Variants in DOCK4 observed in about 807,000 individuals in gnomAD.
The protein encoded by DOCK4 is dedicator of cytokinesis protein 4.
A neutral mutation model predicts 268.1 loss-of-function variants in DOCK4; 97 were observed. That is an observed-to-expected ratio of 0.36 (90% CI 0.31 to 0.43). The LOEUF is 0.43. Ranked by LOEUF, DOCK4 falls within the 20% of genes least tolerant of loss-of-function variation. The pLI is 1.00. For synonymous variants in DOCK4, 954 were observed against 887.2 expected (o/e 1.08, Z -1.34); for missense variants, 2,145 against 2,455.7 (o/e 0.87, Z 2.67).
intron 1 of DOCK4, among the ~76,000 whole-genome samples, chr7:112,128,060 C>A (rs1023875445): frequency 6.6e-6 from 1 of 152,132 alleles, no homozygotes; most frequent in Non-Finnish European, 1.5e-5. Context: ...TAAGCTTATG[C>A]CTCATTTACT....
intron 1 of DOCK4, among the ~76,000 whole-genome samples, chr7:112,112,353 G>A (rs1266355496): frequency 2.0e-5 from 3 of 152,116 alleles, no homozygotes; most frequent in East Asian, 3.9e-4. Context: ...AGAAGAAGAC[G>A]CTGGAGCTGG....
intron 1 of DOCK4, among the ~76,000 whole-genome samples, chr7:112,106,048 C>G (rs910824734): frequency 5.9e-5 from 9 of 152,226 alleles, no homozygotes; most frequent in African/African-American, 2.2e-4. Flanking sequence ...CGGACCACAA[C>G]AGATTCTGTT....
At chr7:111,842,004 A>G (rs1220823646) in intron 25 of DOCK4, among the ~76,000 whole-genome samples, 4 of 152,224 alleles carry the variant, frequency 2.6e-5, no homozygotes, top group African/African-American at 7.2e-5. Flanking sequence ...GCTTGCCATT[A>G]TAACTTTCAA....
intron 1 of DOCK4, among the ~76,000 whole-genome samples, chr7:112,174,402 A>G (rs1006425465): frequency 1.3e-5 from 2 of 152,038 alleles, no homozygotes; most frequent in Non-Finnish European, 2.9e-5. Flanking sequence ...ACATTCTATC[A>G]CGAAAAGGTA....
At chr7:111,779,523 G>A (rs1798663422) in intron 35 of DOCK4, among the ~76,000 whole-genome samples, 1 of 152,146 alleles carries the variant, frequency 6.6e-6, no homozygotes, top group South Asian at 2.1e-4. Flanking sequence ...TCAGCCTCCT[G>A]AGTAGCTGGG....
At chr7:111,903,993 G>A (rs575266340) in intron 13 of DOCK4, among the ~76,000 whole-genome samples, 2 of 152,306 alleles carry the variant, frequency 1.3e-5, no homozygotes, top group South Asian at 2.1e-4. Context: ...ACCACACAGG[G>A]ATTAACTGTC....
At position 111,758,747 on chromosome 7, in the gene DOCK4, C is replaced by T; in HGVS notation, c.4206G>A (p.Glu1402=). Reference sequence around the variant, plus strand: ...CCGGAACACCCTCTCTCTGCAGGACCTCCTGGCTCTCTGGAATGGGAGTCA... The same window carrying T: ...CCGGAACACCCTCTCTCTGCAGGACTTCCTGGCTCTCTGGAATGGGAGTCA... ...YAVTPIPESQ[E]VLQREGVPDN... The change falls in exon 41 of 53, where the codon GAG becomes GAA. Residue 1402 remains glutamate, a synonymous_variant. Transcript: ENST00000428084. The T allele has an allele frequency of 1.9e-6, 3 of 1,613,944 alleles. No homozygotes were observed. The highest frequency in any genetic ancestry group is 1.7e-6 in the Non-Finnish European group (2 of 1,179,868).
chr7:112,100,043 T>A (rs971878106), intron 1 of DOCK4, among the ~76,000 whole-genome samples: 3 of 152,190 alleles, frequency 2.0e-5, no homozygotes, highest in Non-Finnish European at 2.9e-5. Context: ...TTAGACCCCA[T>A]GAAATATTTT....
chr7:112,073,573 A>G (rs2135681063), intron 1 of DOCK4, among the ~76,000 whole-genome samples: 1 of 152,248 alleles, frequency 6.6e-6, no homozygotes, highest in African/African-American at 2.4e-5. Context: ...TTATTCAGCC[A>G]TAAAAAAGTA....
intron 1 of DOCK4, among the ~76,000 whole-genome samples, chr7:112,162,149 G>A (rs1480386747): frequency 6.6e-6 from 1 of 152,074 alleles, no homozygotes; most frequent in East Asian, 1.9e-4. Flanking sequence ...TCCAAATAGC[G>A]TGAAGCCTCA....
intron 26 of DOCK4, among the ~76,000 whole-genome samples, chr7:111,832,001 A>G (rs1443415562): frequency 1.3e-5 from 2 of 152,212 alleles, no homozygotes; most frequent in Non-Finnish European, 2.9e-5. Context: ...ATCTAAGGAT[A>G]CAGCAGTGAG....
At chr7:111,773,248 A>G (rs574613511) in intron 36 of DOCK4, among the ~76,000 whole-genome samples, 2 of 152,338 alleles carry the variant, frequency 1.3e-5, no homozygotes, top group African/African-American at 4.8e-5. Flanking sequence ...CTTAAACAGA[A>G]TCCTAGAAAG....
At chr7:111,764,980 T>A in intron 39 of DOCK4, 138 bp downstream of exon 39, 1 of 456,786 alleles carries the variant, frequency 2.2e-6, no homozygotes, top group Non-Finnish European at 3.9e-6. Context: ...ATTAATATAG[T>A]GTCTGCAAAG....
chr7:111,854,262 C>G (rs1804823591), intron 23 of DOCK4, among the ~76,000 whole-genome samples: 1 of 152,220 alleles, frequency 6.6e-6, no homozygotes, highest in Non-Finnish European at 1.5e-5. Flanking sequence ...CAACCCCTGA[C>G]CTAATCGGTT....
At chr7:111,942,750 C>T (rs527914175) in intron 10 of DOCK4, among the ~76,000 whole-genome samples, 24 of 152,178 alleles carry the variant, frequency 1.6e-4, no homozygotes, top group Non-Finnish European at 3.4e-4. Flanking sequence ...CATAGTCAAT[C>T]AGAATTAGCT....
chr7:111,788,951 C>A, intron 31 of DOCK4: 1 of 591,924 alleles, frequency 1.7e-6, no homozygotes, highest in Non-Finnish European at 3.0e-6. Context: ...ACACTCCTGG[C>A]TGGGTAGCGT....
intron 1 of DOCK4, among the ~76,000 whole-genome samples, chr7:112,158,772 T>C (rs369524026): frequency 1.3e-5 from 2 of 152,220 alleles, no homozygotes; most frequent in East Asian, 3.8e-4. Flanking sequence ...CTAAAAACTA[T>C]TTTTAATGAG....
chr7:111,746,092 T>C (rs1230672530), intron 44 of DOCK4, among the ~76,000 whole-genome samples: 1 of 152,218 alleles, frequency 6.6e-6, no homozygotes, highest in Admixed American at 6.5e-5. Flanking sequence ...CCAAGTATTT[T>C]GGATAAAGGA....
chr7:111,748,923 T>C (rs1231373399), intron 42 of DOCK4, among the ~76,000 whole-genome samples: 3 of 152,090 alleles, frequency 2.0e-5, no homozygotes, highest in African/African-American at 4.8e-5. Flanking sequence ...TGCAATAACA[T>C]GGAAAAATAT....
Sources: allele counts gnomAD v4.1 joint callset (sites outside exome capture counted in the v4.1 genomes callset), GRCh38; gene constraint gnomAD v4.1.1; transcripts MANE v1.5; gene names NCBI Gene and HGNC (gene_info 2026-07-23, HGNC 2026-07-21).